STIM1: variants seen among roughly 807,000 people sequenced by gnomAD.
STIM1 encodes the protein stromal interaction molecule 1.
Under a neutral mutation model 74.7 loss-of-function variants are expected in STIM1, and 25 were observed. The ratio of observed to expected loss-of-function variants is 0.33; its 90% CI spans 0.24 to 0.47. The LOEUF (loss-of-function observed/expected upper bound fraction) is 0.47. Among genes scored for constraint, STIM1 ranks in the 20% least tolerant of loss-of-function variants. The pLI, the probability that STIM1 is intolerant of heterozygous loss-of-function variation, is 1.00. For missense variants in STIM1, 728 were observed against 920.8 expected, an observed-to-expected ratio of 0.79 and a Z score of 2.71; for synonymous variants, 328 against 348.8, an observed-to-expected ratio of 0.94 and a Z score of 0.66.
chr11:4,088,835 T>A, intron 12 of STIM1: 1 of 1,293,722 alleles, frequency 7.7e-7, no homozygotes, highest in Non-Finnish European at 1.1e-6. Context: ...AAGGTGAGCC[T>A]GCCTCACTGG....
intron 1 of STIM1, among the ~76,000 whole-genome samples, chr11:3,868,598 G>T (rs1361285527): frequency 6.6e-6 from 1 of 152,216 alleles, no homozygotes; most frequent in Non-Finnish European, 1.5e-5. Flanking sequence ...CTGTTAAGTG[G>T]TGTTAGTTTA....
intron 2 of STIM1, among the ~76,000 whole-genome samples, chr11:4,009,533 G>A (rs559074896): frequency 1.5e-4 from 22 of 151,588 alleles, no homozygotes; most frequent in African/African-American, 5.3e-4. Flanking sequence ...GCTTGAACCC[G>A]GCGGGCAGAG....
intron 1 of STIM1, among the ~76,000 whole-genome samples, chr11:3,859,065 A>C (rs1297894797): frequency 1.3e-5 from 2 of 152,190 alleles, no homozygotes; most frequent in Non-Finnish European, 2.9e-5. Flanking sequence ...AAAGGGCTGT[A>C]CTTTTTTTCT....
intron 1 of STIM1, among the ~76,000 whole-genome samples, chr11:3,861,235 ATT>A (rs35261978): frequency 1.3e-3 from 174 of 137,878 alleles, no homozygotes; most frequent in African/African-American, 3.8e-3. Flanking sequence ...TAGTGGTTCT[ATT>A]TTTTTTTTTT....
At chr11:4,052,290 A>T (rs1041431845) in intron 3 of STIM1, among the ~76,000 whole-genome samples, 1 of 151,964 alleles carries the variant, frequency 6.6e-6, no homozygotes, top group African/African-American at 2.4e-5. Flanking sequence ...AAAGAGCCTA[A>T]GCCAAAAGAA....
chr11:3,909,162 T>C (rs1353659421), intron 1 of STIM1, among the ~76,000 whole-genome samples: 1 of 152,082 alleles, frequency 6.6e-6, no homozygotes, highest in Non-Finnish European at 1.5e-5. Flanking sequence ...ACTTTCTCTT[T>C]GGTATGGTGA....
intron 3 of STIM1, among the ~76,000 whole-genome samples, chr11:4,031,096 T>C (rs988897676): frequency 1.3e-5 from 2 of 152,218 alleles, no homozygotes; most frequent in African/African-American, 4.8e-5. Flanking sequence ...CTTTCTGCCA[T>C]AGATTAGTTT....
chr11:3,989,073 A>G (rs1207713165), intron 2 of STIM1: 5 of 1,337,948 alleles, frequency 3.7e-6, no homozygotes, highest in Middle Eastern at 2.4e-4. Flanking sequence ...AAAAACTTGC[A>G]TTTACAAAAT....
intron 3 of STIM1, among the ~76,000 whole-genome samples, chr11:4,048,607 A>G (rs1435972711): frequency 1.3e-5 from 2 of 152,150 alleles, no homozygotes; most frequent in Non-Finnish European, 2.9e-5. Flanking sequence ...CTGGGCTGGA[A>G]CTATTCCTTG....
intron 2 of STIM1, among the ~76,000 whole-genome samples, chr11:3,981,084 G>A: frequency 6.6e-6 from 1 of 150,508 alleles, no homozygotes; most frequent in East Asian, 2.0e-4. Context: ...TGCAACCTCT[G>A]CCTCCCAGGT....
chr11:3,899,637 G>A (rs1189588158), intron 1 of STIM1, among the ~76,000 whole-genome samples: 3 of 151,438 alleles, frequency 2.0e-5, no homozygotes, highest in Non-Finnish European at 1.5e-5. Flanking sequence ...CATTCAGTAT[G>A]ATATTGGCTG....
chr11:3,911,790 A>G (rs1302920970), intron 1 of STIM1, among the ~76,000 whole-genome samples: 1 of 151,746 alleles, frequency 6.6e-6, no homozygotes, highest in Admixed American at 6.6e-5. Context: ...AGTCTATTCT[A>G]CTGTTACTCT....
At chr11:3,870,407 T>C (rs1364569880) in intron 1 of STIM1, among the ~76,000 whole-genome samples, 1 of 152,208 alleles carries the variant, frequency 6.6e-6, no homozygotes, top group Non-Finnish European at 1.5e-5. Context: ...TCATATTCCC[T>C]TTTGTCCACA....
intron 3 of STIM1, among the ~76,000 whole-genome samples, chr11:4,035,266 G>GTTT: frequency 7.3e-6 from 1 of 136,620 alleles, no homozygotes; most frequent in Admixed American, 7.3e-5. Context: ...GGTGTATTGT[G>GTTT]TTTTTTTTTT....
intron 1 of STIM1, among the ~76,000 whole-genome samples, chr11:3,933,207 G>T (rs2092891589): frequency 6.6e-6 from 1 of 152,178 alleles, no homozygotes; most frequent in South Asian, 2.1e-4. Context: ...TAGGTGTGTT[G>T]TTCACATGGG....
intron 5 of STIM1, 95 bp from the exon 6 acceptor site, chr11:4,069,931 T>A: frequency 5.1e-6 from 7 of 1,368,896 alleles, no homozygotes; most frequent in Non-Finnish European, 7.3e-6. Context: ...GTGTGTCTGT[T>A]ATGGAAGGCT....
At chr11:4,081,141 G>C (rs1213111150) in intron 7 of STIM1, among the ~76,000 whole-genome samples, 1 of 152,178 alleles carries the variant, frequency 6.6e-6, no homozygotes, top group East Asian at 1.9e-4. Context: ...GCTATGGGAT[G>C]TTTACCTCAT....
chr11:3,911,904 T>C (rs904857620), intron 1 of STIM1, among the ~76,000 whole-genome samples: 12 of 152,236 alleles, frequency 7.9e-5, no homozygotes, highest in African/African-American at 2.9e-4. Context: ...AACACTGCTT[T>C]GCTGTTGTTG....
chr11:3,941,673 T>TATATATATATAGAGAGAGAGAGAGAGAG (rs141623520), intron 1 of STIM1, among the ~76,000 whole-genome samples: 1 of 90,736 alleles, frequency 1.1e-5, no homozygotes, highest in African/African-American at 3.7e-5. Context: ...TATATATATA[T>TATATATATATAGAGAGAGAGAGAGAGAG]AGAGAGAGAG....
Sources: allele counts gnomAD v4.1 joint callset (sites outside exome capture counted in the v4.1 genomes callset), GRCh38; gene constraint gnomAD v4.1.1; transcripts MANE v1.5; gene names NCBI Gene and HGNC (gene_info 2026-07-23, HGNC 2026-07-21).